MAGI1: variants seen among roughly 807,000 people sequenced by gnomAD.
MAGI1 encodes the protein membrane-associated guanylate kinase, WW and PDZ domain-containing protein 1.
In MAGI1, 58 loss-of-function variants were observed where a neutral mutation model predicts 139.9. The ratio of observed to expected loss-of-function variants is 0.41; its 90% CI spans 0.34 to 0.52. The LOEUF (loss-of-function observed/expected upper bound fraction) is 0.52. Ranked by LOEUF, MAGI1 falls within the 20% of genes least tolerant of loss-of-function variation. The pLI is 0.12. For missense variants in MAGI1, 1,874 were observed against 1,901.6 expected (o/e 0.99, Z 0.27); for synonymous variants, 812 against 737.9 (o/e 1.10, Z -1.63).
At chr3:65,789,237 G>A (rs1046004780) in intron 1 of MAGI1, among the ~76,000 whole-genome samples, 18 of 152,062 alleles carry the variant, frequency 1.2e-4, no homozygotes, top group Admixed American at 1.0e-3. Flanking sequence ...CCAGTCAGTG[G>A]GGAAGAAAGG....
In MAGI1 at chr3:65,408,324, A is replaced by G. The variant is rs138564099; in HGVS notation, c.2168-6854T>C. On this transcript the variant is annotated intron_variant, in intron 12 of 22. Coordinates refer to ENST00000402939, the MANE Select transcript of MAGI1 (RefSeq NM_001033057.2). Reference sequence around the variant, plus strand: ...CGCCTTCTTTCTTGGAAAGATTTAAAAGACACATCTGAAAAAATTATGAGG... The same window carrying G: ...CGCCTTCTTTCTTGGAAAGATTTAAGAGACACATCTGAAAAAATTATGAGG... Among the ~76,000 whole-genome samples, 343 of 152,326 alleles carry G rather than the reference A, an allele frequency of 2.3e-3. 1 individual carries two copies. Among genetic ancestry groups the G allele is most frequent in the African/African-American group, 8.0e-3 (332 of 41,568 alleles).
intron 12 of MAGI1, among the ~76,000 whole-genome samples, chr3:65,410,172 G>T (rs1291033210): frequency 6.6e-6 from 1 of 152,204 alleles, no homozygotes; most frequent in Non-Finnish European, 1.5e-5. Context: ...TCACTCCAGA[G>T]AAGGTGTCAT....
chr3:65,898,705 T>C lies in MAGI1; in HGVS notation c.313+139291A>G, dbSNP rs545206374. 7.9e-4 allele frequency among the ~76,000 whole-genome samples: 120 copies of C among 152,230 alleles called. 1 individual carries two copies. Among genetic ancestry groups the C allele is most frequent in the African/African-American group, 2.6e-3 (110 of 41,544 alleles). On this transcript the variant is annotated intron_variant, in intron 1 of 22. Coordinates refer to ENST00000402939, the MANE Select transcript of MAGI1 (RefSeq NM_001033057.2). ...CAACCAAAGGCAAAGTAATAGTTAA[T>C]AATAATATATTGTATAGTTTCAACT...
intron 7 of MAGI1, among the ~76,000 whole-genome samples, chr3:65,447,297 C>T (rs867921245): frequency 5.9e-5 from 9 of 152,270 alleles, no homozygotes; most frequent in African/African-American, 2.2e-4. Context: ...TAATAGCAAA[C>T]GTAATTCAAT....
At chr3:65,868,672 C>T (rs1386712775) in intron 1 of MAGI1, among the ~76,000 whole-genome samples, 1 of 152,078 alleles carries the variant, frequency 6.6e-6, no homozygotes, top group African/African-American at 2.4e-5. Context: ...ATGTTGGGAG[C>T]TAACTAATCT....
intron 1 of MAGI1, among the ~76,000 whole-genome samples, chr3:65,641,663 G>A (rs965910967): frequency 6.6e-6 from 1 of 152,176 alleles, no homozygotes; most frequent in East Asian, 1.9e-4. Context: ...GAACATCAAT[G>A]AGATAAGGAA....
At chr3:65,554,423 C>G (rs2079991454) in intron 2 of MAGI1, among the ~76,000 whole-genome samples, 1 of 152,108 alleles carries the variant, frequency 6.6e-6, no homozygotes, top group South Asian at 2.1e-4. Flanking sequence ...CTGTTGGAGG[C>G]TGGGGTTGAG....
chr3:65,419,815 G>A (rs28498327), intron 12 of MAGI1, among the ~76,000 whole-genome samples: 40,066 of 151,912 alleles, frequency 0.26, 5,666 homozygotes, highest in African/African-American at 0.37. Context: ...CAACCAACCC[G>A]TTCCTTTACA....
At position 65,564,137 on chromosome 3, in the gene MAGI1, T is replaced by C. The variant is rs185595785; in HGVS notation, c.430+57835A>G. Among the ~76,000 whole-genome samples, 356 of 152,132 alleles carry C rather than the reference T, an allele frequency of 2.3e-3. 2 individuals carry two copies. The highest frequency in any genetic ancestry group is 3.4e-3 in the Middle Eastern group (1 of 294). On this transcript the variant is annotated intron_variant, in intron 2 of 22. Coordinates refer to ENST00000402939, the MANE Select transcript of MAGI1 (RefSeq NM_001033057.2). ...TGTTTCACTCTTCTCAAAGCCGTCC[T>C]CCTGACTAGGTCAGGAAAAACCAAC... is the stretch of plus-strand genomic sequence containing the variant.
chr3:65,480,534 C>CAA (rs67341994), intron 3 of MAGI1, among the ~76,000 whole-genome samples: 6,195 of 131,164 alleles, frequency 0.047, 358 homozygotes, highest in African/African-American at 0.14. Context: ...GATCCTATCT[C>CAA]AAAAAAAAAA....
chr3:65,621,282 A>G (rs1311917539), intron 2 of MAGI1, among the ~76,000 whole-genome samples: 1 of 152,224 alleles, frequency 6.6e-6, no homozygotes, highest in Non-Finnish European at 1.5e-5. Flanking sequence ...ACTTCACTAC[A>G]ACGGAGCTGC....
At chr3:65,652,551 AT>A (rs2085645045) in intron 1 of MAGI1, among the ~76,000 whole-genome samples, 1 of 152,178 alleles carries the variant, frequency 6.6e-6, no homozygotes, top group African/African-American at 2.4e-5. Context: ...CTCCTGGAAA[AT>A]AAAATCACCC....
chr3:65,926,988 T>C (rs2106675542), intron 1 of MAGI1, among the ~76,000 whole-genome samples: 1 of 152,204 alleles, frequency 6.6e-6, no homozygotes, highest in South Asian at 2.1e-4. Context: ...AGAGTGAAAC[T>C]CTGTCTCAAA....
chr3:65,474,889 C>T (rs1367462921), intron 4 of MAGI1, among the ~76,000 whole-genome samples: 1 of 152,060 alleles, frequency 6.6e-6, no homozygotes, highest in East Asian at 1.9e-4. Flanking sequence ...TCTGACCCTC[C>T]CTCACCAGTT....
intron 1 of MAGI1, among the ~76,000 whole-genome samples, chr3:65,946,247 ATGTG>A: frequency 6.6e-6 from 1 of 152,340 alleles, no homozygotes; most frequent in Admixed American, 6.5e-5. Flanking sequence ...GGAATAAAAA[ATGTG>A]TTACTTCAAC....
At chr3:65,365,355 C>A (rs1322354156) in intron 18 of MAGI1, among the ~76,000 whole-genome samples, 1 of 152,174 alleles carries the variant, frequency 6.6e-6, no homozygotes, top group African/African-American at 2.4e-5. Context: ...ATGTTTCCTG[C>A]AATTTATCAG....
At position 65,652,835 on chromosome 3, in the gene MAGI1, T is replaced by C. The variant is rs542640354; in HGVS notation, c.314-30747A>G. 2.0e-5 allele frequency among the ~76,000 whole-genome samples: 3 copies of C among 152,234 alleles called. No homozygotes were observed. In the South Asian group the frequency reaches 6.2e-4, roughly 32 times the overall value. On this transcript the variant is annotated intron_variant, in intron 1 of 22. Transcript: ENST00000402939. Reference sequence around the variant, plus strand: ...GTTTTCAAGAGACTAAAGATGTAATTCGGAAGGCTGACACCAATGACCGGA... The same window carrying C: ...GTTTTCAAGAGACTAAAGATGTAATCCGGAAGGCTGACACCAATGACCGGA...
chr3:65,557,642 A>G (rs1404295513), intron 2 of MAGI1, among the ~76,000 whole-genome samples: 1 of 152,192 alleles, frequency 6.6e-6, no homozygotes, highest in African/African-American at 2.4e-5. Context: ...CTCCTTTTGC[A>G]TATCTCACTT....
rs1942478011 is a variant in MAGI1 at position 65,375,952 on chromosome 3, T to G, written c.2996-7A>C. 6.2e-7 allele frequency: 1 copy of G among 1,607,616 alleles called. No homozygotes were observed. Among genetic ancestry groups the G allele is most frequent in the Admixed American group, 1.7e-5 (1 of 59,292 alleles). On this transcript the variant is annotated splice_polypyrimidine_tract_variant and splice_region_variant and intron_variant, in intron 17 of 22. Coordinates refer to ENST00000402939, the MANE Select transcript of MAGI1 (RefSeq NM_001033057.2). ...ATAGCCACACATGCATTGCCTGCTT[T>G]GATATTGAGTTTTAATTTTTTTAAA...
Sources: allele counts gnomAD v4.1 joint callset (sites outside exome capture counted in the v4.1 genomes callset), GRCh38; gene constraint gnomAD v4.1.1; transcripts MANE v1.5; gene names NCBI Gene and HGNC (gene_info 2026-07-23, HGNC 2026-07-21).